VOPP1: variants seen among roughly 807,000 people sequenced by gnomAD.
VOPP1 encodes WW domain binding protein VOPP1.
VOPP1 carries 8 observed loss-of-function variants against 23.5 expected under a neutral mutation model. The observed-to-expected ratio is 0.34, with a 90% confidence interval of 0.20 to 0.61. The LOEUF (loss-of-function observed/expected upper bound fraction) is 0.61, where lower values mean the gene tolerates loss of function less well. VOPP1 is among the 20% of genes least tolerant of loss of function. The probability of loss-of-function intolerance (pLI) is 0.78; values close to 1 mark genes in which losing one functional copy is unlikely to be tolerated. For missense variants in VOPP1, 174 were observed against 238.1 expected, an observed-to-expected ratio of 0.73 and a Z score of 1.77; for synonymous variants, 83 against 97.3, an observed-to-expected ratio of 0.85 and a Z score of 0.86.
downstream of VOPP1, among the ~76,000 whole-genome samples, chr7:55,469,982 C>T (rs1270345388): frequency 1.3e-5 from 2 of 152,148 alleles, no homozygotes; most frequent in African/African-American, 2.4e-5. Context: ...AGGTTTGAGG[C>T]TGCAGTGAGC....
At chr7:55,529,798 CTTGCCT>C (rs1387277147) in intron 1 of VOPP1, among the ~76,000 whole-genome samples, 17 of 152,220 alleles carry the variant, frequency 1.1e-4, no homozygotes, top group African/African-American at 4.1e-4. Flanking sequence ...TATCCATAGT[CTTGCCT>C]TTGCTATAAG....
rs1324302522 is a variant in VOPP1, at chr7:55,464,415, C to CA, written n.417+27866dup. The stretch of plus-strand genomic sequence containing the variant: ...TTTCAGTTTCCAGGATGGTGCCTGG[C>CA]AAACCAGTTTCCAGGTCCCTTGAAG... On this transcript the variant is annotated intron_variant and non_coding_transcript_variant, in intron 4 of 4. Coordinates refer to the VOPP1 transcript ENST00000462326. Among the ~76,000 whole-genome samples, 5 of 152,276 alleles carry CA rather than the reference C, an allele frequency of 3.3e-5. No individual in the cohort carries two copies. In the South Asian group the frequency reaches 6.2e-4, roughly 19 times the overall value.
At chr7:55,558,192 G>C (rs1453038822) in intron 1 of VOPP1, among the ~76,000 whole-genome samples, 1 of 152,100 alleles carries the variant, frequency 6.6e-6, no homozygotes, top group Admixed American at 6.5e-5. Context: ...AATCTGCTAA[G>C]GGGTAGACCT....
intron 1 of VOPP1, among the ~76,000 whole-genome samples, chr7:55,564,155 C>T (rs1046328707): frequency 6.6e-6 from 1 of 152,128 alleles, no homozygotes; most frequent in Non-Finnish European, 1.5e-5. Flanking sequence ...GGCTGCTTTT[C>T]TCTCCAACTA....
At chr7:55,518,139 T>C (rs1795591659) in intron 2 of VOPP1, among the ~76,000 whole-genome samples, 1 of 152,182 alleles carries the variant, frequency 6.6e-6, no homozygotes, top group African/African-American at 2.4e-5. Context: ...GCAAGTCCTG[T>C]GCCTCAAACC....
At chr7:55,538,496 C>A in intron 1 of VOPP1, 1 of 902,080 alleles carries the variant, frequency 1.1e-6, no homozygotes, top group Non-Finnish European at 1.6e-6. Flanking sequence ...CTACACAAAC[C>A]ACACAAAAAG....
intron 4 of VOPP1, among the ~76,000 whole-genome samples, chr7:55,455,162 TACAG>T: frequency 6.6e-6 from 1 of 151,956 alleles, no homozygotes; most frequent in Middle Eastern, 3.4e-3. Flanking sequence ...TACACACCAA[TACAG>T]ACAAACAGAG....
intron 4 of VOPP1, among the ~76,000 whole-genome samples, chr7:55,462,353 T>C (rs1413739041): frequency 6.6e-6 from 1 of 152,238 alleles, no homozygotes; most frequent in Non-Finnish European, 1.5e-5. Flanking sequence ...GGGTTCAATC[T>C]ATTTGGGTAT....
intron 1 of VOPP1, among the ~76,000 whole-genome samples, chr7:55,535,652 G>C (rs771301674): frequency 1.3e-5 from 2 of 152,222 alleles, no homozygotes; most frequent in African/African-American, 2.4e-5. Flanking sequence ...GAAAATTTTC[G>C]AGACTTCCAG....
At chr7:55,501,184 G>A (rs1458057054) in intron 2 of VOPP1, among the ~76,000 whole-genome samples, 8 of 152,230 alleles carry the variant, frequency 5.3e-5, no homozygotes, top group Non-Finnish European at 8.8e-5. Context: ...ATCATATGAT[G>A]TCAGCAATGC....
intron 2 of VOPP1, among the ~76,000 whole-genome samples, chr7:55,518,587 G>A (rs1417238019): frequency 6.6e-6 from 1 of 152,208 alleles, no homozygotes; most frequent in Non-Finnish European, 1.5e-5. Flanking sequence ...TGAGAGAACT[G>A]GGGAATGATC....
At position 55,567,257 on chromosome 7, in the gene VOPP1, A is replaced by T. The variant is rs1584136061; in HGVS notation, c.54+5014T>A. On this transcript the variant is annotated intron_variant, in intron 1 of 4. Coordinates refer to ENST00000285279, the MANE Select transcript of VOPP1 (RefSeq NM_030796.5). ...GCAACTAAGGATATGTCAATCAATA[A>T]ATCAGAGCAAAACCTTTGCCCCTAA... 3.3e-5 allele frequency among the ~76,000 whole-genome samples: 5 copies of T among 152,350 alleles called. No individual in the cohort carries two copies. The East Asian group carries it at 9.6e-4, about 29-fold the overall frequency.
At chr7:55,521,809 C>A (rs1317293043) in intron 1 of VOPP1, 1 of 985,552 alleles carries the variant, frequency 1.0e-6, no homozygotes, top group African/African-American at 1.8e-5. Flanking sequence ...CACCTGGAGG[C>A]TCTCACAAAC....
intron 4 of VOPP1, among the ~76,000 whole-genome samples, chr7:55,460,775 A>AT (rs1791480006): frequency 6.6e-6 from 1 of 151,916 alleles, no homozygotes; most frequent in African/African-American, 2.4e-5. Flanking sequence ...TTTATCAGAT[A>AT]TAACTATAGC....
chr7:55,537,564 C>T (rs910465759), intron 1 of VOPP1: 18 of 1,535,842 alleles, frequency 1.2e-5, no homozygotes, highest in Admixed American at 5.9e-5. Flanking sequence ...CGCACCTCCT[C>T]GCCAGCCAGT....
chr7:55,529,587 G>T (rs1796383964), intron 1 of VOPP1, among the ~76,000 whole-genome samples: 1 of 152,050 alleles, frequency 6.6e-6, no homozygotes, highest in Non-Finnish European at 1.5e-5. Flanking sequence ...ATTTACTTAG[G>T]TTTAGTTTAT....
intron 2 of VOPP1, among the ~76,000 whole-genome samples, chr7:55,501,675 C>T (rs1269115985): frequency 6.6e-6 from 1 of 152,100 alleles, no homozygotes; most frequent in Non-Finnish European, 1.5e-5. Context: ...TCATGAATAC[C>T]CTCTCAAATT....
At chr7:55,489,363 A>C (rs1191481547) in intron 4 of VOPP1, among the ~76,000 whole-genome samples, 1 of 152,246 alleles carries the variant, frequency 6.6e-6, no homozygotes, top group African/African-American at 2.4e-5. Context: ...TGGGACCAGC[A>C]GCCACTCGCT....
chr7:55,528,197 G>A (rs1796298312), intron 1 of VOPP1, among the ~76,000 whole-genome samples: 1 of 152,048 alleles, frequency 6.6e-6, no homozygotes, highest in Non-Finnish European at 1.5e-5. Context: ...GGAATATTTT[G>A]CTAAGAAAAA....
Sources: gnomAD v4.1 joint callset for allele counts (sites outside exome capture counted in the v4.1 genomes callset) on GRCh38, gnomAD v4.1.1 for gene constraint, MANE v1.5 for transcripts, NCBI Gene and HGNC (gene_info 2026-07-23, HGNC 2026-07-21) for gene names.